VDAC1: variants seen among roughly 807,000 people sequenced by gnomAD.
The protein encoded by VDAC1 is voltage dependent anion channel 1.
In VDAC1, 10 loss-of-function variants were observed where a neutral mutation model predicts 34.7. The observed-to-expected ratio is 0.29, with a 90% CI of 0.18 to 0.49. The LOEUF (loss-of-function observed/expected upper bound fraction) is 0.49. Among genes scored for constraint, VDAC1 ranks in the 20% least tolerant of loss-of-function variants. The pLI is 0.99. For missense variants in VDAC1, 230 were observed against 347.9 expected, an observed-to-expected ratio of 0.66 and a Z score of 2.69; for synonymous variants, 130 against 136.0, an observed-to-expected ratio of 0.96 and a Z score of 0.30.
chr5:134,078,409 T>C, the VDAC1 span, among the ~76,000 whole-genome samples: 1 of 152,068 alleles, frequency 6.6e-6, no homozygotes, highest in African/African-American at 2.4e-5. Context: ...CAGGTGCCTA[T>C]TCAGAGCACT....
the VDAC1 span, among the ~76,000 whole-genome samples, chr5:134,014,222 G>A: frequency 2.0e-5 from 3 of 151,948 alleles, no homozygotes; most frequent in South Asian, 4.2e-4. Flanking sequence ...CCGGGGCGGT[G>A]GAGGTTGCAG....
At chr5:134,040,101 CGAGA>C in the VDAC1 span, among the ~76,000 whole-genome samples, 1 of 152,140 alleles carries the variant, frequency 6.6e-6, no homozygotes, top group Non-Finnish European at 1.5e-5. Flanking sequence ...TTTTGGCACC[CGAGA>C]GAGAGACCCC....
chr5:134,090,517 C>A, the VDAC1 span, among the ~76,000 whole-genome samples: 1 of 152,198 alleles, frequency 6.6e-6, no homozygotes, highest in Non-Finnish European at 1.5e-5. Context: ...CCCTTCCCCA[C>A]AACCATGAAA....
chr5:133,985,562 G>C (rs1402226913), intron 5 of VDAC1, among the ~76,000 whole-genome samples: 1 of 152,322 alleles, frequency 6.6e-6, no homozygotes, highest in South Asian at 2.1e-4. Context: ...GCTGAGGCAC[G>C]AGAATTGCTT....
the VDAC1 span, among the ~76,000 whole-genome samples, chr5:134,055,296 AG>A: frequency 1.3e-5 from 2 of 152,176 alleles, no homozygotes; most frequent in South Asian, 2.1e-4. Context: ...GATCTGAGGA[AG>A]GGGGGCATGG....
At chr5:134,000,208 A>G (rs1481286637) in intron 1 of VDAC1, among the ~76,000 whole-genome samples, 1 of 152,202 alleles carries the variant, frequency 6.6e-6, no homozygotes, top group African/African-American at 2.4e-5. Flanking sequence ...GATGCTGGCA[A>G]AGGCTGATGG....
chr5:134,078,154 G>A, the VDAC1 span, among the ~76,000 whole-genome samples: 1 of 152,184 alleles, frequency 6.6e-6, no homozygotes. Flanking sequence ...TGACTGAGCA[G>A]GGCTGGGCTG....
intron 1 of VDAC1, among the ~76,000 whole-genome samples, chr5:133,999,369 G>A (rs1442801577): frequency 6.6e-6 from 1 of 152,132 alleles, no homozygotes; most frequent in Non-Finnish European, 1.5e-5. Flanking sequence ...GAAGTATCTG[G>A]CATGGAGTAA....
chr5:134,111,096 C>T, the VDAC1 span, among the ~76,000 whole-genome samples: 1 of 152,154 alleles, frequency 6.6e-6, no homozygotes, highest in African/African-American at 2.4e-5. Flanking sequence ...GGCAGGCCTG[C>T]GTATGACATC....
chr5:134,055,293 G>A, the VDAC1 span, among the ~76,000 whole-genome samples: 1 of 152,198 alleles, frequency 6.6e-6, no homozygotes, highest in Non-Finnish European at 1.5e-5. Context: ...TTTGATCTGA[G>A]GAAGGGGGGC....
At chr5:134,037,685 C>A in the VDAC1 span, among the ~76,000 whole-genome samples, 1 of 152,158 alleles carries the variant, frequency 6.6e-6, no homozygotes, top group Non-Finnish European at 1.5e-5. Context: ...CTTCTCCTTT[C>A]CTGAAATGTA....
the VDAC1 span, among the ~76,000 whole-genome samples, chr5:134,061,793 T>C: frequency 6.6e-6 from 1 of 151,790 alleles, no homozygotes; most frequent in Non-Finnish European, 1.5e-5. Context: ...CTAAAACATC[T>C]AGCACAATGT....
chr5:134,053,927 C>T, the VDAC1 span, among the ~76,000 whole-genome samples: 2 of 152,286 alleles, frequency 1.3e-5, no homozygotes, highest in East Asian at 1.9e-4. Flanking sequence ...AGAAGTCTTA[C>T]GTTATGACTT....
chr5:134,071,951 A>T, the VDAC1 span, among the ~76,000 whole-genome samples: 1 of 152,236 alleles, frequency 6.6e-6, no homozygotes, highest in African/African-American at 2.4e-5. The surrounding 1 kb of genome is among the most constrained non-coding windows in gnomAD (Gnocchi z 4.1). Context: ...TAACCCCTGG[A>T]TAGGAGGCTG....
chr5:134,111,830 C>T, the VDAC1 span, among the ~76,000 whole-genome samples: 1 of 152,204 alleles, frequency 6.6e-6, no homozygotes, highest in African/African-American at 2.4e-5. Flanking sequence ...GTCAGACTGC[C>T]TGGGTTTCAA....
the VDAC1 span, among the ~76,000 whole-genome samples, chr5:134,018,898 T>C: frequency 6.6e-6 from 1 of 152,148 alleles, no homozygotes; most frequent in East Asian, 1.9e-4. Flanking sequence ...TTTTCCTGGT[T>C]GGCAAGACTC....
At chr5:133,976,503 T>A (rs548887924) in intron 6 of VDAC1, 4 of 154,440 alleles carry the variant, frequency 2.6e-5, no homozygotes, top group African/African-American at 9.7e-5. Context: ...AGACATTGTC[T>A]CAAACAAAAA....
intron 5 of VDAC1, among the ~76,000 whole-genome samples, chr5:133,988,580 C>A (rs1360150947): frequency 6.6e-6 from 1 of 151,882 alleles, no homozygotes; most frequent in Admixed American, 6.6e-5. Flanking sequence ...CTGGCCAATA[C>A]GGTGAAACCC....
At chr5:134,084,885 T>C in the VDAC1 span, among the ~76,000 whole-genome samples, 2 of 152,112 alleles carry the variant, frequency 1.3e-5, no homozygotes, top group African/African-American at 2.4e-5. Context: ...GATGAAGAAA[T>C]TGAGTCCCAG....
Sources: gnomAD v4.1 joint callset for allele counts (sites outside exome capture counted in the v4.1 genomes callset) on GRCh38, gnomAD v4.1.1 for gene constraint, Gnocchi (gnomAD v3.1) non-coding constraint, MANE v1.5 for transcripts, NCBI Gene and HGNC (gene_info 2026-07-23, HGNC 2026-07-21) for gene names.